MAP3K13: variants seen among roughly 807,000 people sequenced by gnomAD.
MAP3K13 encodes mitogen-activated protein kinase kinase kinase 13.
Under a neutral mutation model 104.0 loss-of-function variants are expected in MAP3K13, and 52 were observed. The ratio of observed to expected loss-of-function variants is 0.50; its 90% CI spans 0.40 to 0.63. The LOEUF (loss-of-function observed/expected upper bound fraction) is 0.63, where lower values mean the gene tolerates loss of function less well. MAP3K13 is among the 20% of genes least tolerant of loss of function. The probability of loss-of-function intolerance (pLI) is 0.00; values close to 1 mark genes in which losing one functional copy is unlikely to be tolerated. For synonymous variants in MAP3K13, 394 were observed against 442.2 expected, an observed-to-expected ratio of 0.89 and a Z score of 1.37; for missense variants, 914 against 1,218.5, an observed-to-expected ratio of 0.75 and a Z score of 3.72.
chr3:185,482,481 C>A lies in MAP3K13; in HGVS notation c.*25C>A. The A allele has an allele frequency of 6.5e-7, 1 of 1,535,990 alleles. No individual in the cohort carries two copies. ...ATGAAGGAATACACATCCTGAAGAT[C>A]TCGTGACTATACTGGCATTTCAGAT... On this transcript the variant is annotated 3_prime_UTR_variant, in exon 14 of 14. Coordinates refer to ENST00000265026, the MANE Select transcript of MAP3K13 (RefSeq NM_004721.5). This position sits in a 1 kb window ranked among gnomAD's most constrained non-coding sequence, Gnocchi z 4.5.
chr3:185,473,116 C>T lies in MAP3K13; in HGVS notation c.1785C>T (p.Ser595=), dbSNP rs1717902388. The stretch of plus-strand genomic sequence containing the variant: ...AACCACGCCACCGCCGAGGGAATAG[C>T]AGAGGCAGCCATAGTGACTTTGCCG... The part of the protein sequence containing the change: ...RSKPRHRRGN[S]RGSHSDFAAI... The change falls in exon 11 of 14, where the codon AGC becomes AGT. Residue 595 remains serine (S), a synonymous_variant. Coordinates refer to ENST00000265026, the MANE Select transcript of MAP3K13 (RefSeq NM_004721.5). This position sits in a 1 kb window ranked among gnomAD's most constrained non-coding sequence, Gnocchi z 4.9. 1.2e-6 allele frequency: 2 copies of T among 1,614,180 alleles called. No homozygotes were observed. Among genetic ancestry groups the T allele is most frequent in the Non-Finnish European group, 1.7e-6 (2 of 1,180,042 alleles).
chr3:185,475,312 T>C (rs565674504), intron 11 of MAP3K13, among the ~76,000 whole-genome samples: 2 of 152,280 alleles, frequency 1.3e-5, no homozygotes, highest in Admixed American at 6.5e-5. Flanking sequence ...AATAAGATTA[T>C]GTATGAAAAA....
intron 2 of MAP3K13, among the ~76,000 whole-genome samples, chr3:185,333,418 C>A (rs919692093): frequency 6.6e-6 from 1 of 151,866 alleles, no homozygotes; most frequent in Non-Finnish European, 1.5e-5. Flanking sequence ...AATTAAAAGA[C>A]CTAAAGTGCA....
intron 2 of MAP3K13, among the ~76,000 whole-genome samples, chr3:185,351,562 C>T (rs1298024236): frequency 1.3e-5 from 2 of 152,028 alleles, no homozygotes; most frequent in African/African-American, 4.8e-5. Flanking sequence ...GCCATGAATT[C>T]CAAGACTATG....
rs140737994 is a variant in MAP3K13, at chr3:185,417,852, A to T, written c.-85-10645A>T. 822 of 1,607,612 alleles carry T rather than the reference A, an allele frequency of 5.1e-4. 6 individuals are homozygous for T. In the African/African-American group the frequency reaches 9.2e-3, roughly 18 times the overall value. On this transcript the variant is annotated intron_variant, in intron 1 of 13. Transcript: ENST00000265026. ...GGTTCTTCTTTAGGACTCTGCGATGAATCTTCTTGCGTGGTGCTCAAAGGG... is the reference window on the plus strand; with the variant it reads ...GGTTCTTCTTTAGGACTCTGCGATGTATCTTCTTGCGTGGTGCTCAAAGGG...
chr3:185,470,801 G>A (rs1406609329), intron 10 of MAP3K13, among the ~76,000 whole-genome samples: 1 of 152,186 alleles, frequency 6.6e-6, no homozygotes, highest in Non-Finnish European at 1.5e-5. Context: ...CATGGAAAAT[G>A]TAATTATAAA....
intron 1 of MAP3K13, among the ~76,000 whole-genome samples, chr3:185,406,033 A>G (rs578245032): frequency 1.4e-4 from 21 of 152,228 alleles, no homozygotes; most frequent in Non-Finnish European, 2.6e-4. Flanking sequence ...GAGAAATAAT[A>G]AAAGCAGGGC....
At position 185,363,155 on chromosome 3, in the gene MAP3K13, A is replaced by C; in HGVS notation, c.-299A>C. ...TTTTTCATGACACACACCACAGCGA[A>C]GTCTGTGCGGAATCCTAAACCAGCC... On this transcript the variant is annotated 5_prime_UTR_variant, in exon 1 of 14. Coordinates refer to ENST00000265026, the MANE Select transcript of MAP3K13 (RefSeq NM_004721.5). 1.0e-6 allele frequency: 1 copy of C among 985,204 alleles called. No homozygotes were observed. The highest frequency in any genetic ancestry group is 1.2e-6 in the Non-Finnish European group (1 of 829,882). 61.0% of individuals were successfully genotyped at this position (985,204 alleles called of 1,614,324 possible).
In MAP3K13 at chr3:185,473,105, C is replaced by T; in HGVS notation, c.1774C>T (p.Arg592Ter). ...SRYRSKPRHR[R>*]GNSRGSHSDF... Reference sequence around the variant, plus strand: ...ATATCGAAGCAAACCACGCCACCGCCGAGGGAATAGCAGAGGCAGCCATAG... The same window carrying T: ...ATATCGAAGCAAACCACGCCACCGCTGAGGGAATAGCAGAGGCAGCCATAG... Residue 592 changes from arginine (R) to a stop codon, truncating the protein, a stop_gained, in exon 11 of 14, where the codon CGA becomes TGA. Coordinates refer to ENST00000265026, the MANE Select transcript of MAP3K13 (RefSeq NM_004721.5). LOFTEE classifies it high-confidence loss of function. The surrounding 1 kb of genome is among the most constrained non-coding windows in gnomAD (Gnocchi z 4.9). The T allele has an allele frequency of 1.2e-6, 2 of 1,614,144 alleles. No individual in the cohort carries two copies. Among genetic ancestry groups the T allele is most frequent in the South Asian group, 1.1e-5 (1 of 91,078 alleles).
chr3:185,478,715 T>C (rs1718274335), intron 12 of MAP3K13, among the ~76,000 whole-genome samples: 1 of 151,564 alleles, frequency 6.6e-6, no homozygotes, highest in African/African-American at 2.4e-5. Context: ...CTACTAAAAA[T>C]ACAAAAATTA....
At chr3:185,413,219 C>T (rs1044094767) in intron 1 of MAP3K13, among the ~76,000 whole-genome samples, 18 of 152,170 alleles carry the variant, frequency 1.2e-4, no homozygotes, top group African/African-American at 4.3e-4. Flanking sequence ...GAGTACTGTG[C>T]AGTTAGCAAA....
intron 1 of MAP3K13, among the ~76,000 whole-genome samples, chr3:185,422,447 CTG>C (rs1304691666): frequency 2.0e-5 from 3 of 152,186 alleles, no homozygotes; most frequent in Non-Finnish European, 2.9e-5. Context: ...CGTATGATGA[CTG>C]TGATTAGACT....
intron 2 of MAP3K13, among the ~76,000 whole-genome samples, chr3:185,337,398 T>G (rs1032376207): frequency 2.0e-5 from 3 of 152,240 alleles, no homozygotes; most frequent in Admixed American, 1.3e-4. Context: ...TCTCTAATTT[T>G]CAATAAAGGC....
chr3:185,361,523 C>T (rs1723625232), upstream of MAP3K13, among the ~76,000 whole-genome samples: 1 of 152,074 alleles, frequency 6.6e-6, no homozygotes, highest in African/African-American at 2.4e-5. Flanking sequence ...GCCTCAGCCT[C>T]CCGAGTAGCT....
Position 185,482,247 on chromosome 3 carries a change from C to T in MAP3K13, c.2800-108C>T. ...CAAGGACAGGACCTGGTCTCGTTTACCTTTGTAGCCCCCTTACCAAGCACA... is the reference window on the plus strand; with the variant it reads ...CAAGGACAGGACCTGGTCTCGTTTATCTTTGTAGCCCCCTTACCAAGCACA... On this transcript the variant is annotated intron_variant, in intron 13 of 13. Coordinates refer to ENST00000265026, the MANE Select transcript of MAP3K13 (RefSeq NM_004721.5). The surrounding 1 kb of genome is among the most constrained non-coding windows in gnomAD (Gnocchi z 4.5). 1 of 777,860 alleles carries T rather than the reference C, an allele frequency of 1.3e-6. No individual in the cohort carries two copies. Among genetic ancestry groups the T allele is most frequent in the Non-Finnish European group, 2.3e-6 (1 of 443,106 alleles). The allele number at this position is 777,860 out of a possible 1,614,324, so 48.2% of individuals were successfully genotyped here.
At chr3:185,321,029 ATATAT>A (rs1197749510) in intron 2 of MAP3K13, among the ~76,000 whole-genome samples, 1 of 90,288 alleles carries the variant, frequency 1.1e-5, no homozygotes, top group African/African-American at 3.5e-5. Flanking sequence ...ATATGTGTGT[ATATAT>A]TATATGCGTG....
chr3:185,350,288 C>T (rs568971749), intron 2 of MAP3K13, among the ~76,000 whole-genome samples: 268 of 152,270 alleles, frequency 1.8e-3, no homozygotes, highest in African/African-American at 6.2e-3. Context: ...CGGGTTCAAG[C>T]GGTTCTCCTG....
intron 1 of MAP3K13, among the ~76,000 whole-genome samples, chr3:185,397,105 G>C (rs1181997372): frequency 1.3e-5 from 2 of 152,028 alleles, no homozygotes; most frequent in African/African-American, 4.8e-5. Context: ...AAAGACATAG[G>C]AGAGGTCATT....
intron 7 of MAP3K13, among the ~76,000 whole-genome samples, chr3:185,458,677 G>T (rs1560123261): frequency 6.6e-6 from 1 of 152,116 alleles, no homozygotes; most frequent in African/African-American, 2.4e-5. Context: ...GCCTCCTCCT[G>T]CCTGCTAAGA....
Sources: gnomAD v4.1 joint callset for allele counts (sites outside exome capture counted in the v4.1 genomes callset) on GRCh38, gnomAD v4.1.1 for gene constraint, Gnocchi (gnomAD v3.1) non-coding constraint, MANE v1.5 for transcripts, NCBI Gene and HGNC (gene_info 2026-07-23, HGNC 2026-07-21) for gene names.